BMPER: variants seen among roughly 807,000 people sequenced by gnomAD.
The protein encoded by BMPER is BMP-binding endothelial regulator protein.
BMPER carries 45 observed loss-of-function variants against 87.3 expected under a neutral mutation model. The ratio of observed to expected loss-of-function variants is 0.52; its 90% CI spans 0.41 to 0.66. The LOEUF (loss-of-function observed/expected upper bound fraction) is 0.66. BMPER is among the 30% of genes least tolerant of loss of function. The pLI, the probability that BMPER is intolerant of heterozygous loss-of-function variation, is 0.00. For missense variants in BMPER, 784 were observed against 867.5 expected (o/e 0.90, Z 1.21); for synonymous variants, 326 against 316.2 (o/e 1.03, Z -0.33).
chr7:34,054,445 A>T (rs554596571), intron 8 of BMPER, among the ~76,000 whole-genome samples: 1 of 152,204 alleles, frequency 6.6e-6, no homozygotes, highest in Non-Finnish European at 1.5e-5. Context: ...AATAATTTCT[A>T]TGTGCCAGGT....
intron 2 of BMPER, among the ~76,000 whole-genome samples, chr7:33,910,733 G>A (rs1165778100): frequency 6.6e-6 from 1 of 151,816 alleles, no homozygotes; most frequent in African/African-American, 2.4e-5. Flanking sequence ...ACCTGTCTTG[G>A]AGCCAATCAA....
At chr7:33,976,667 A>G (rs1428158580) in intron 6 of BMPER, among the ~76,000 whole-genome samples, 2 of 152,114 alleles carry the variant, frequency 1.3e-5, no homozygotes, top group Non-Finnish European at 2.9e-5. Context: ...TTGCCTTTCC[A>G]GGTAAAGGTG....
At chr7:33,990,675 G>T (rs888318915) in intron 6 of BMPER, among the ~76,000 whole-genome samples, 2 of 148,606 alleles carry the variant, frequency 1.3e-5, no homozygotes, top group African/African-American at 5.0e-5. Context: ...GGTGAGAGAG[G>T]GCATCCCTGT....
At position 33,990,223 on chromosome 7, in the gene BMPER, T is replaced by C. The variant is rs373271039; in HGVS notation, c.576+15439T>C. Among the ~76,000 whole-genome samples the C allele has an allele frequency of 1.4e-3, 200 of 147,568 alleles. 2 individuals are homozygous for C. The highest frequency in any genetic ancestry group is 2.6e-3 in the Non-Finnish European group (173 of 67,128). On this transcript the variant is annotated intron_variant, in intron 6 of 14. Coordinates refer to ENST00000649409, the MANE Select transcript of BMPER (RefSeq NM_001365308.1). Reference sequence around the variant, plus strand: ...ACCTTGGGCAGTATGGCCATTTTCATGATATTGATTCTTCCTTCCCATGAG... The same window carrying C: ...ACCTTGGGCAGTATGGCCATTTTCACGATATTGATTCTTCCTTCCCATGAG...
intron 11 of BMPER, among the ~76,000 whole-genome samples, chr7:34,066,478 G>T (rs1223584687): frequency 6.6e-6 from 1 of 152,160 alleles, no homozygotes; most frequent in Admixed American, 6.5e-5. Context: ...TTTGAAGTGG[G>T]CTACACAAAC....
chr7:34,028,601 G>GGTTTTTTT (rs1787426612), intron 6 of BMPER, among the ~76,000 whole-genome samples: 2 of 36,058 alleles, frequency 5.5e-5, no homozygotes, highest in African/African-American at 1.8e-4. Context: ...CATTTTTTCT[G>GGTTTTTTT]TTTTTTTTTT....
intron 10 of BMPER, among the ~76,000 whole-genome samples, chr7:34,060,439 A>T (rs1788407485): frequency 6.6e-6 from 1 of 152,220 alleles, no homozygotes; most frequent in African/African-American, 2.4e-5. Flanking sequence ...CCTGTGCCAA[A>T]TTGCAATTGA....
At chr7:33,993,574 G>C (rs1344755873) in intron 6 of BMPER, among the ~76,000 whole-genome samples, 6 of 151,318 alleles carry the variant, frequency 4.0e-5, no homozygotes, top group African/African-American at 7.3e-5. Flanking sequence ...ATGTCCTCCC[G>C]TAGCTCAGAG....
intron 6 of BMPER, among the ~76,000 whole-genome samples, chr7:34,039,477 A>G (rs1373736673): frequency 6.6e-6 from 1 of 152,094 alleles, no homozygotes; most frequent in Non-Finnish European, 1.5e-5. Flanking sequence ...TAGCAGGTAG[A>G]GGCCAGGGAT....
intron 6 of BMPER, among the ~76,000 whole-genome samples, chr7:33,977,819 A>G (rs986541217): frequency 5.3e-5 from 8 of 152,232 alleles, no homozygotes; most frequent in Non-Finnish European, 1.2e-4. Context: ...GCAAACATAC[A>G]CATTTCTCAG....
At chr7:34,145,244 A>G (rs1012250114) in intron 14 of BMPER, among the ~76,000 whole-genome samples, 1 of 152,064 alleles carries the variant, frequency 6.6e-6, no homozygotes, top group African/African-American at 2.4e-5. Context: ...GGGTTGCTGA[A>G]GCTTCCTCAG....
intron 6 of BMPER, among the ~76,000 whole-genome samples, chr7:34,022,806 G>A (rs1249524452): frequency 1.3e-5 from 2 of 151,716 alleles, no homozygotes; most frequent in Admixed American, 6.6e-5. Flanking sequence ...GCAGTGACCC[G>A]GAGTTTGTCT....
intron 13 of BMPER, among the ~76,000 whole-genome samples, chr7:34,135,390 T>C (rs1262998555): frequency 6.6e-6 from 1 of 151,912 alleles, no homozygotes; most frequent in Non-Finnish European, 1.5e-5. Flanking sequence ...ACACATTGAG[T>C]GATTCTGTGT....
At chr7:33,966,698 C>T in intron 4 of BMPER, 137 bp downstream of exon 4, 2 of 762,108 alleles carry the variant, frequency 2.6e-6, no homozygotes, top group Non-Finnish European at 4.4e-6. Flanking sequence ...CAACTGTATC[C>T]TTGTGTGTAC....
In BMPER at chr7:34,017,978, A is replaced by C. The variant is rs188261467; in HGVS notation, c.577-28328A>C. ...ACTTAAACTTGTCCAAAAAAAAAAA[A>C]AAAACAAAACCCGTAGTTGAGTTTT... On this transcript the variant is annotated intron_variant, in intron 6 of 14. Transcript: ENST00000649409. Among the ~76,000 whole-genome samples the C allele has an allele frequency of 2.6e-3, 401 of 151,942 alleles. 2 individuals carry two copies. Among genetic ancestry groups the C allele is most frequent in the African/African-American group, 8.6e-3 (358 of 41,482 alleles).
chr7:33,981,628 A>G (rs963297410), intron 6 of BMPER, among the ~76,000 whole-genome samples: 1 of 152,180 alleles, frequency 6.6e-6, no homozygotes, highest in African/African-American at 2.4e-5. Flanking sequence ...GGTATACATA[A>G]TAATCTGCTG....
chr7:34,028,610 T>G (rs998296632), intron 6 of BMPER, among the ~76,000 whole-genome samples: 1 of 115,516 alleles, frequency 8.7e-6, no homozygotes, highest in Non-Finnish European at 1.8e-5. Flanking sequence ...TGTTTTTTTT[T>G]TTTTTTTTTT....
At chr7:33,905,497 T>C, upstream of BMPER, 1 of 1,182,636 alleles carries the variant, frequency 8.5e-7, no homozygotes, top group East Asian at 6.1e-5. Context: ...GCCTCCCTCC[T>C]TCGCGGACGG....
At chr7:34,097,416 G>A (rs567819209) in intron 13 of BMPER, among the ~76,000 whole-genome samples, 5 of 152,332 alleles carry the variant, frequency 3.3e-5, no homozygotes, top group African/African-American at 4.8e-5. Context: ...GGGGCACGCT[G>A]CAGTGTTTTC....
Sources: allele counts gnomAD v4.1 joint callset (sites outside exome capture counted in the v4.1 genomes callset), GRCh38; gene constraint gnomAD v4.1.1; transcripts MANE v1.5; gene names NCBI Gene and HGNC (gene_info 2026-07-23, HGNC 2026-07-21).